AGMO: variants seen among roughly 807,000 people sequenced by gnomAD.
AGMO encodes the protein glyceryl-ether monooxygenase.
A neutral mutation model predicts 60.2 loss-of-function variants in AGMO; 75 were observed. The ratio of observed to expected loss-of-function variants is 1.25; its 90% confidence interval spans 1.03 to 1.51. The LOEUF is 1.51. Ranked by LOEUF, AGMO falls within the 40% of genes most tolerant of loss-of-function variation. The pLI, the probability that AGMO is intolerant of heterozygous loss-of-function variation, is 0.00. For synonymous variants in AGMO, 261 were observed against 177.1 expected (o/e 1.47, Z -3.76); for missense variants, 763 against 525.5 (o/e 1.45, Z -4.42).
chr7:15,232,644 C>A (rs1226996034), intron 12 of AGMO, among the ~76,000 whole-genome samples: 2 of 152,070 alleles, frequency 1.3e-5, no homozygotes, highest in Admixed American at 1.3e-4. Flanking sequence ...GTGTGCTACA[C>A]AGCCATGAAT....
chr7:15,263,439 G>C (rs984969274), intron 12 of AGMO, among the ~76,000 whole-genome samples: 7 of 151,812 alleles, frequency 4.6e-5, no homozygotes, highest in South Asian at 2.1e-4. Context: ...GCATAGATGT[G>C]GTAAAAAGGG....
At chr7:15,139,908 T>C in the AGMO span, among the ~76,000 whole-genome samples, 14 of 150,246 alleles carry the variant, frequency 9.3e-5, no homozygotes, top group Non-Finnish European at 1.8e-4. Context: ...CCCAACTATA[T>C]ATAAATACAA....
chr7:15,227,851 T>C (rs1199238218), intron 12 of AGMO, among the ~76,000 whole-genome samples: 4 of 152,094 alleles, frequency 2.6e-5, no homozygotes, highest in African/African-American at 9.7e-5. Flanking sequence ...AGGTGACAGA[T>C]TTGAACTGGA....
intron 2 of AGMO, among the ~76,000 whole-genome samples, chr7:15,553,365 A>G (rs926923094): frequency 5.9e-5 from 9 of 151,850 alleles, no homozygotes; most frequent in African/African-American, 2.2e-4. Context: ...AATAGAAAAA[A>G]AAGAAAGATT....
At chr7:15,555,138 TA>T (rs566055036) in intron 2 of AGMO, among the ~76,000 whole-genome samples, 20 of 150,008 alleles carry the variant, frequency 1.3e-4, no homozygotes, top group African/African-American at 3.4e-4. Flanking sequence ...TATACAAAAC[TA>T]AAAAAAAATT....
At chr7:15,229,285 A>G (rs1782181817) in intron 12 of AGMO, among the ~76,000 whole-genome samples, 1 of 152,114 alleles carries the variant, frequency 6.6e-6, no homozygotes, top group African/African-American at 2.4e-5. Flanking sequence ...ATATACGAAC[A>G]TGGCACATGT....
In AGMO at chr7:15,322,534, A is replaced by G. The variant is rs866805760; in HGVS notation, c.1263+42980T>C. The stretch of plus-strand genomic sequence containing the variant: ...TATATATAAATATATATAAATATAT[A>G]AATATATATATAAATATATATAAAT... On this transcript the variant is annotated intron_variant, in intron 12 of 12. Coordinates refer to ENST00000342526, the MANE Select transcript of AGMO (RefSeq NM_001004320.2). Among the ~76,000 whole-genome samples the G allele has an allele frequency of 7.8e-3, 603 of 77,668 alleles. 22 individuals are homozygous for G. Among genetic ancestry groups the G allele is most frequent in the African/African-American group, 0.044 (582 of 13,238 alleles). The allele number at this position is 77,668 out of a possible 152,430, so 51.0% of individuals were successfully genotyped here.
In AGMO at chr7:15,272,357, C is replaced by A. The variant is rs537401072; in HGVS notation, c.1264-70998G>T. ...AAGTGTTCTCGTTGTTCAATTCCCA[C>A]CTATGAGTGAGAACATGCGGTGTTT... On this transcript the variant is annotated intron_variant, in intron 12 of 12. Coordinates refer to ENST00000342526, the MANE Select transcript of AGMO (RefSeq NM_001004320.2). Among the ~76,000 whole-genome samples, 5 of 148,334 alleles carry A rather than the reference C, an allele frequency of 3.4e-5. No homozygotes were observed. In the East Asian group the frequency reaches 1.0e-3, roughly 30 times the overall value.
chr7:15,159,712 G>C, the AGMO span, among the ~76,000 whole-genome samples: 3 of 152,142 alleles, frequency 2.0e-5, no homozygotes, highest in Non-Finnish European at 2.9e-5. Flanking sequence ...TACTTTCAAA[G>C]ATATTCCAGT....
At chr7:15,479,900 G>A (rs745392630) in intron 3 of AGMO, among the ~76,000 whole-genome samples, 33 of 152,158 alleles carry the variant, frequency 2.2e-4, no homozygotes, top group Non-Finnish European at 4.6e-4. Context: ...CGATTAGGAA[G>A]GATGTGCCCG....
intron 12 of AGMO, among the ~76,000 whole-genome samples, chr7:15,350,262 T>C (rs905365346): frequency 2.0e-5 from 3 of 152,190 alleles, no homozygotes; most frequent in African/African-American, 7.2e-5. Context: ...TCTTGTGCTG[T>C]ACATTAAATC....
intron 12 of AGMO, among the ~76,000 whole-genome samples, chr7:15,265,073 T>C (rs953039193): frequency 1.3e-5 from 2 of 152,108 alleles, no homozygotes; most frequent in Admixed American, 6.6e-5. Context: ...AAATGTGATA[T>C]GTATACACTA....
At chr7:15,395,936 C>G (rs943731107) in intron 5 of AGMO, 1 of 152,118 alleles carries the variant, frequency 6.6e-6, no homozygotes, top group Non-Finnish European at 1.5e-5. Context: ...CATCACATCC[C>G]CTCTTGAAAT....
Position 15,349,730 on chromosome 7 carries a change from T to C in AGMO, c.1263+15784A>G, listed in dbSNP as rs1191806656. Among the ~76,000 whole-genome samples, 3 of 152,256 alleles carry C rather than the reference T, an allele frequency of 2.0e-5. No homozygotes were observed. The East Asian group carries it at 5.8e-4, about 29-fold the overall frequency. On this transcript the variant is annotated intron_variant, in intron 12 of 12. Transcript: ENST00000342526. ...GGCTGTGGAGGCCTCAGGAAACTTA[T>C]AATCATGGCAGAAGGCATCTCTTCA...
chr7:15,367,279 T>C (rs997912346), intron 10 of AGMO, among the ~76,000 whole-genome samples: 8 of 151,890 alleles, frequency 5.3e-5, no homozygotes, highest in Non-Finnish European at 1.2e-4. Flanking sequence ...TTTTGAATCA[T>C]TGTAACAAAA....
At chr7:15,427,449 C>A (rs558792615) in intron 4 of AGMO, among the ~76,000 whole-genome samples, 1 of 152,104 alleles carries the variant, frequency 6.6e-6, no homozygotes, top group East Asian at 1.9e-4. Context: ...GAATTCCACA[C>A]TTTATTTAGA....
intron 12 of AGMO, among the ~76,000 whole-genome samples, chr7:15,321,184 T>A (rs1781096356): frequency 1.3e-5 from 2 of 152,194 alleles, no homozygotes; most frequent in African/African-American, 4.8e-5. Flanking sequence ...ATGCTATTTC[T>A]ATTCCTCACT....
At chr7:15,174,287 C>T in the AGMO span, among the ~76,000 whole-genome samples, 14 of 151,926 alleles carry the variant, frequency 9.2e-5, no homozygotes, top group African/African-American at 3.4e-4. Flanking sequence ...ATCTGGAAAA[C>T]TAAAGTTAAC....
At chr7:15,434,943 C>T (rs1781358470) in intron 3 of AGMO, among the ~76,000 whole-genome samples, 1 of 138,192 alleles carries the variant, frequency 7.2e-6, no homozygotes, top group African/African-American at 2.7e-5. Flanking sequence ...TGTATCCTAT[C>T]AATAACATCA....
Sources: gnomAD v4.1 joint callset for allele counts (sites outside exome capture counted in the v4.1 genomes callset) on GRCh38, gnomAD v4.1.1 for gene constraint, MANE v1.5 for transcripts, NCBI Gene and HGNC (gene_info 2026-07-23, HGNC 2026-07-21) for gene names.